The following PAX5 variants were observed in gnomAD, a reference collection of about 807,000 sequenced individuals.
PAX5 encodes the protein paired box protein Pax-5.
A neutral mutation model predicts 43.7 loss-of-function variants in PAX5; 9 were observed. The observed-to-expected ratio is 0.21, with a 90% CI of 0.12 to 0.36. The LOEUF is 0.36. Among genes scored for constraint, PAX5 ranks in the 10% least tolerant of loss-of-function variants. The pLI, the probability that PAX5 is intolerant of heterozygous loss-of-function variation, is 1.00. For missense variants in PAX5, 383 were observed against 532.7 expected (o/e 0.72, Z 2.77); for synonymous variants, 228 against 214.3 (o/e 1.06, Z -0.56).
At chr9:36,895,597 A>C (rs181158578) in intron 7 of PAX5, among the ~76,000 whole-genome samples, 16 of 152,334 alleles carry the variant, frequency 1.1e-4, no homozygotes, top group Admixed American at 1.0e-3. Context: ...CATGTAAAGC[A>C]CTTAGGAAGC....
intron 5 of PAX5, among the ~76,000 whole-genome samples, chr9:36,998,198 T>G (rs1837553105): frequency 6.6e-6 from 1 of 152,190 alleles, no homozygotes; most frequent in Admixed American, 6.5e-5. Context: ...AGATCTTACC[T>G]GCTGCTGAAG....
At chr9:36,982,596 A>G (rs1836033803) in intron 5 of PAX5, among the ~76,000 whole-genome samples, 1 of 152,224 alleles carries the variant, frequency 6.6e-6, no homozygotes. Context: ...TGGAAGGAGA[A>G]GGTGGCATCT....
chr9:36,863,065 A>C (rs1407575109), intron 8 of PAX5, among the ~76,000 whole-genome samples: 1 of 152,070 alleles, frequency 6.6e-6, no homozygotes, highest in Non-Finnish European at 1.5e-5. Context: ...TGCTCAAGAG[A>C]AGGAAGGAAC....
intron 8 of PAX5, among the ~76,000 whole-genome samples, chr9:36,864,990 G>A (rs534748727): frequency 5.3e-5 from 8 of 152,348 alleles, no homozygotes; most frequent in South Asian, 4.1e-4. Context: ...GAGAGGCACC[G>A]CGGCCTTCCC....
chr9:36,909,326 C>T (rs995176829), intron 7 of PAX5, among the ~76,000 whole-genome samples: 3 of 152,320 alleles, frequency 2.0e-5, no homozygotes, highest in East Asian at 1.9e-4. Context: ...CTGGAGAGAG[C>T]GGATGTCATT....
In PAX5 at chr9:36,882,111, G is replaced by T; in HGVS notation, c.911-6C>A. ...CGTGCTCGCCAAGTCACGGCCTGAGGAATCAAAGCAACAAATCACAGGGTG... is the reference window on the plus strand; with the variant it reads ...CGTGCTCGCCAAGTCACGGCCTGAGTAATCAAAGCAACAAATCACAGGGTG... On this transcript the variant is annotated splice_polypyrimidine_tract_variant and splice_region_variant and intron_variant, in intron 7 of 9. Coordinates refer to ENST00000358127, the MANE Select transcript of PAX5 (RefSeq NM_016734.3). This position sits in a 1 kb window ranked among gnomAD's most constrained non-coding sequence, Gnocchi z 4.4. The T allele has an allele frequency of 6.3e-7, 1 of 1,577,028 alleles. No homozygotes were observed.
At chr9:36,906,634 C>T (rs967470441) in intron 7 of PAX5, among the ~76,000 whole-genome samples, 1 of 152,170 alleles carries the variant, frequency 6.6e-6, no homozygotes, top group African/African-American at 2.4e-5. Context: ...TGCAGGAGGT[C>T]AATGGAACAT....
chr9:36,905,624 C>T lies in PAX5; in HGVS notation c.910+17731G>A, dbSNP rs117816775. Among the ~76,000 whole-genome samples, 499 of 152,186 alleles carry T rather than the reference C, an allele frequency of 3.3e-3. 1 individual carries two copies. Among genetic ancestry groups the T allele is most frequent in the South Asian group, 0.02 (97 of 4,816 alleles). On this transcript the variant is annotated intron_variant, in intron 7 of 9. Transcript: ENST00000358127. ...GCTGAGTTGAAAGATGGCAAAAAGA[C>T]GGGCCTGGATAAAGGTTCCACTGGG...
At chr9:36,930,785 A>G in intron 6 of PAX5, 2 of 1,256,750 alleles carry the variant, frequency 1.6e-6, no homozygotes, top group South Asian at 2.5e-5. Context: ...CACTTTGGAA[A>G]CTAAGCAATA....
chr9:36,869,956 ATGGATAAATGGATGGATG>A, intron 8 of PAX5, among the ~76,000 whole-genome samples: 4 of 145,282 alleles, frequency 2.8e-5, no homozygotes, highest in Non-Finnish European at 1.5e-5. Flanking sequence ...GGATGGATGG[ATGGATAAATGGATGGATG>A]GATGGATAAA....
chr9:36,917,391 T>G (rs1345368380), intron 7 of PAX5, among the ~76,000 whole-genome samples: 3 of 152,238 alleles, frequency 2.0e-5, no homozygotes, highest in Non-Finnish European at 4.4e-5. Context: ...CAGCAGCTAC[T>G]GCTACTGAAC....
chr9:36,957,018 TC>T (rs5897667), intron 6 of PAX5, among the ~76,000 whole-genome samples: 4 of 13,268 alleles, frequency 3.0e-4, no homozygotes, highest in East Asian at 4.2e-3. Flanking sequence ...AGAAGCCTTG[TC>T]CCCCCCACTT....
At chr9:36,972,911 C>T (rs1250483043) in intron 5 of PAX5, among the ~76,000 whole-genome samples, 1 of 151,724 alleles carries the variant, frequency 6.6e-6, no homozygotes, top group African/African-American at 2.4e-5. Flanking sequence ...GCCTGTAATC[C>T]CAGCTACTCA....
chr9:36,886,761 A>G (rs1826939173), intron 7 of PAX5, among the ~76,000 whole-genome samples: 2 of 152,192 alleles, frequency 1.3e-5, no homozygotes, highest in African/African-American at 2.4e-5. Flanking sequence ...AAGTTTGCAA[A>G]TAACTAACTA....
intron 5 of PAX5, among the ~76,000 whole-genome samples, chr9:36,984,210 C>T (rs1377025670): frequency 6.6e-6 from 1 of 152,030 alleles, no homozygotes; most frequent in African/African-American, 2.4e-5. Context: ...CTCCTCCTGC[C>T]CTGAAAACAT....
chr9:36,893,885 T>C (rs1827625330), intron 7 of PAX5, among the ~76,000 whole-genome samples: 1 of 152,192 alleles, frequency 6.6e-6, no homozygotes, highest in Admixed American at 6.5e-5. Context: ...CAACATGATA[T>C]TATGCACCTC....
chr9:36,940,853 G>C (rs1362561993), intron 6 of PAX5, among the ~76,000 whole-genome samples: 1 of 152,108 alleles, frequency 6.6e-6, no homozygotes, highest in African/African-American at 2.4e-5. Flanking sequence ...CCAGGCACCC[G>C]GCAGGTACTC....
chr9:36,840,870 G>A (rs190921506), intron 9 of PAX5, among the ~76,000 whole-genome samples: 14 of 152,314 alleles, frequency 9.2e-5, no homozygotes. Flanking sequence ...GGGCCCTTGG[G>A]TCCAATCCTC....
intron 5 of PAX5, among the ~76,000 whole-genome samples, chr9:36,978,041 C>T (rs1395588757): frequency 6.6e-6 from 1 of 152,236 alleles, no homozygotes; most frequent in Non-Finnish European, 1.5e-5. Flanking sequence ...ACCTAATATA[C>T]ACTCTGATAT....
Sources: gnomAD v4.1 joint callset for allele counts (sites outside exome capture counted in the v4.1 genomes callset) on GRCh38, gnomAD v4.1.1 for gene constraint, Gnocchi (gnomAD v3.1) non-coding constraint, MANE v1.5 for transcripts, NCBI Gene and HGNC (gene_info 2026-07-23, HGNC 2026-07-21) for gene names.